The following SLC9A6 variants were observed in gnomAD, a reference collection of about 807,000 sequenced individuals.
SLC9A6 encodes the protein solute carrier family 9 member A6, also known as sodium/hydrogen exchanger 6.
Under a neutral mutation model 45.3 loss-of-function variants are expected in SLC9A6, and 6 were observed. The observed-to-expected ratio is 0.13, with a 90% CI of 0.07 to 0.26. The LOEUF is 0.26. SLC9A6 is among the 10% of genes least tolerant of loss of function. SLC9A6 has a pLI of 1.00. For synonymous variants in SLC9A6, 191 were observed against 187.7 expected (o/e 1.02, Z -0.14); for missense variants, 278 against 503.7 (o/e 0.55, Z 4.29).
rs1254465442 is a variant in SLC9A6 at position 136,043,900 on chromosome X, C to T, written c.1768-552C>T. Among the ~76,000 whole-genome samples, 4 of 111,628 alleles carry T rather than the reference C, an allele frequency of 3.6e-5. No individual in the cohort carries two copies. The Admixed American group carries it at 3.8e-4, about 11-fold the overall frequency. On this transcript the variant is annotated intron_variant, in intron 17 of 17. Coordinates refer to ENST00000630721, the MANE Select transcript of SLC9A6 (RefSeq NM_001379110.1). ...CAAACTGTATTAGGTGGTTGGACTA[C>T]GTAGCATTCACCCTGTGTCTTCACC...
At chrX:135,981,811 C>A, upstream of SLC9A6, among the ~76,000 whole-genome samples, 1 of 111,943 alleles carries the variant, frequency 8.9e-6, no homozygotes, top group African/African-American at 3.3e-5. Context: ...CAGAAACACC[C>A]CCTTATGAAA....
chrX:136,043,922 C>T (rs2071554815), intron 17 of SLC9A6, among the ~76,000 whole-genome samples: 1 of 111,820 alleles, frequency 8.9e-6, no homozygotes, highest in Non-Finnish European at 1.9e-5. Flanking sequence ...CCTGTGTCTT[C>T]ACCACATGTG....
intron 7 of SLC9A6, among the ~76,000 whole-genome samples, chrX:136,003,465 C>G (rs1556617611): frequency 8.9e-6 from 1 of 112,206 alleles, no homozygotes. Flanking sequence ...TTCTTTGCAG[C>G]TATATAGTAT....
intron 8 of SLC9A6, among the ~76,000 whole-genome samples, 189 bp from the exon 9 acceptor site, chrX:136,012,760 G>A (rs2070947530): frequency 8.9e-6 from 1 of 112,417 alleles, no homozygotes; most frequent in Admixed American, 9.4e-5. Flanking sequence ...TCACTGAAGG[G>A]AAGGCAGCTG....
intron 15 of SLC9A6, among the ~76,000 whole-genome samples, chrX:136,032,010 GGAA>G (rs1285714195): frequency 2.7e-5 from 3 of 112,531 alleles, no homozygotes; most frequent in African/African-American, 9.7e-5. Context: ...AGGAAGGACA[GGAA>G]GAAGCCAAAA....
chrX:136,027,580 G>T (rs1161159631), intron 13 of SLC9A6, among the ~76,000 whole-genome samples: 2 of 111,979 alleles, frequency 1.8e-5, no homozygotes, highest in Non-Finnish European at 3.8e-5. Context: ...AGGCCATATG[G>T]TCTGTCTCAG....
chrX:136,009,864 G>A (rs1556618403), intron 7 of SLC9A6, among the ~76,000 whole-genome samples: 2 of 111,940 alleles, frequency 1.8e-5, no homozygotes, highest in Admixed American at 1.9e-4. Context: ...TAATTCCTTG[G>A]GAGGTCTTTC....
Position 136,040,048 on chromosome X carries a change from G to A in SLC9A6, c.1662-28G>A, listed in dbSNP as rs782643572. On this transcript the variant is annotated intron_variant, in intron 16 of 17. Coordinates refer to ENST00000630721, the MANE Select transcript of SLC9A6 (RefSeq NM_001379110.1). ...TGCTCTTTTAAATTTGTAAAGAAAG[G>A]ACCACAGCTCTTCCTTAACCACCGC... 18 of 1,122,530 alleles carry A rather than the reference G, an allele frequency of 1.6e-5. 1 individual carries two copies. In the Admixed American group the frequency reaches 4.0e-4, roughly 25 times the overall value. 92.5% of individuals were successfully genotyped at this position (1,122,530 alleles called of 1,213,427 possible). A position where few individuals can be genotyped will look rare whatever the true frequency, so the allele number is the denominator to read the frequency against.
rs782629258 is a variant in SLC9A6 at position 136,044,517 on chromosome X, A to G, written c.1833A>G (p.Thr611=). ...LILNDGDISL[T]YGDSTVNTEP... ...TCAATGATGGTGACATCAGTTTGAC[A>G]TATGGAGATTCTACTGTGAACACTG... The change falls in exon 18 of 18, where the codon ACA becomes ACG. Residue 611 remains threonine, a synonymous_variant. Transcript: ENST00000630721. 3.3e-6 allele frequency: 4 copies of G among 1,205,530 alleles called. No individual in the cohort carries two copies. The South Asian group carries it at 7.0e-5, about 21-fold the overall frequency.
upstream of SLC9A6, among the ~76,000 whole-genome samples, chrX:135,983,152 G>T (rs2089294698): frequency 8.9e-6 from 1 of 111,738 alleles, no homozygotes; most frequent in Admixed American, 9.5e-5. Context: ...GTGAAACAAT[G>T]GGAGTGAGCA....
chrX:135,975,767 G>A (rs782431411), intron 1 of SLC9A6, among the ~76,000 whole-genome samples: 4 of 111,689 alleles, frequency 3.6e-5, no homozygotes, highest in African/African-American at 1.3e-4. Flanking sequence ...CCTTTTGATT[G>A]TAAACATTTT....
At chrX:136,017,788 G>A (rs1556619466) in intron 11 of SLC9A6, among the ~76,000 whole-genome samples, 1 of 111,663 alleles carries the variant, frequency 9.0e-6, no homozygotes, top group African/African-American at 3.3e-5. Flanking sequence ...GTTTCTGAGG[G>A]TCAGGAATCC....
intron 7 of SLC9A6, among the ~76,000 whole-genome samples, chrX:136,008,660 A>T (rs2070864834): frequency 8.9e-6 from 1 of 112,665 alleles, no homozygotes; most frequent in South Asian, 3.6e-4. Context: ...GGGGAAAGGA[A>T]TACAGAAGGA....
At chrX:136,003,865 C>T (rs782231617) in intron 7 of SLC9A6, among the ~76,000 whole-genome samples, 1 of 111,291 alleles carries the variant, frequency 9.0e-6, no homozygotes, top group African/African-American at 3.3e-5. Context: ...TCTTATTTGA[C>T]ATAATCATTT....
chrX:136,000,933 T>C (rs1369832384), intron 6 of SLC9A6, among the ~76,000 whole-genome samples: 2 of 111,233 alleles, frequency 1.8e-5, no homozygotes, highest in Non-Finnish European at 3.8e-5. Flanking sequence ...TGCAGTGAAC[T>C]GTGATTGTGC....
intron 12 of SLC9A6, among the ~76,000 whole-genome samples, chrX:136,022,936 A>G (rs1038125861): frequency 9.3e-6 from 1 of 107,687 alleles, no homozygotes; most frequent in Non-Finnish European, 1.9e-5. Context: ...CAGCCTCCCA[A>G]GTAGCTGGGA....
intron 17 of SLC9A6, among the ~76,000 whole-genome samples, chrX:136,043,339 A>G (rs1436103846): frequency 8.9e-6 from 1 of 112,190 alleles, no homozygotes; most frequent in Non-Finnish European, 1.9e-5. Context: ...GACAATAGAC[A>G]TGTGCCACCC....
chrX:135,978,651 C>CAA (rs201997429), intron 1 of SLC9A6, among the ~76,000 whole-genome samples: 35 of 81,079 alleles, frequency 4.3e-4, no homozygotes, highest in South Asian at 1.7e-3. Context: ...GACTCCATCT[C>CAA]AAAAAAAAAA....
At chrX:135,982,241 T>C (rs1002423903), upstream of SLC9A6, among the ~76,000 whole-genome samples, 1 of 109,982 alleles carries the variant, frequency 9.1e-6, no homozygotes, top group African/African-American at 3.3e-5. Flanking sequence ...ACAATTCCTT[T>C]GAGAAGCTTA....
Sources: allele counts gnomAD v4.1 joint callset (sites outside exome capture counted in the v4.1 genomes callset), GRCh38; gene constraint gnomAD v4.1.1; transcripts MANE v1.5; gene names NCBI Gene and HGNC (gene_info 2026-07-23, HGNC 2026-07-21).